Variants in ARL17B observed in about 807,000 individuals in gnomAD.
The protein encoded by ARL17B is ADP-ribosylation factor-like protein 17.
At chr17:46,275,339 C>A (rs191565624) in exon 5 of ARL17B, 15 of 921,620 alleles carry the variant, frequency 1.6e-5, no homozygotes, top group Non-Finnish European at 2.4e-5. Context: ...GTTCAGGCAA[C>A]AAGATTCTTG....
intron 4 of ARL17B, among the ~76,000 whole-genome samples, chr17:46,279,286 C>T (rs1161252875): frequency 1.3e-5 from 2 of 150,050 alleles, no homozygotes; most frequent in Non-Finnish European, 2.9e-5. Flanking sequence ...CAGGTTTGAG[C>T]AATTCACTTG....
intron 4 of ARL17B, among the ~76,000 whole-genome samples, chr17:46,291,192 T>C (rs977750942): frequency 6.6e-6 from 1 of 152,258 alleles, no homozygotes; most frequent in Non-Finnish European, 1.5e-5. Context: ...CATATATTTT[T>C]ATAACATCGT....
At chr17:46,348,962 AT>A (rs1332325018) in intron 3 of ARL17B, among the ~76,000 whole-genome samples, 1 of 139,898 alleles carries the variant, frequency 7.1e-6, no homozygotes, top group African/African-American at 2.9e-5. Context: ...GGGGGGAGAA[AT>A]CACCATTTTG....
At chr17:46,277,303 C>T (rs2532327) in intron 4 of ARL17B, among the ~76,000 whole-genome samples, 1 of 152,204 alleles carries the variant, frequency 6.6e-6, no homozygotes, top group African/African-American at 2.4e-5. Context: ...CTTTGTCTTG[C>T]CACAGGCCCC....
At chr17:46,317,167 C>A (rs1433597018) in intron 3 of ARL17B, among the ~76,000 whole-genome samples, 1 of 89,582 alleles carries the variant, frequency 1.1e-5, no homozygotes, top group Admixed American at 1.2e-4. Context: ...AGAGGCGCTC[C>A]TCACATCCCA....
In ARL17B at chr17:46,323,436, G is replaced by A. The variant is rs562194832; in HGVS notation, c.260-23771C>T. Among the ~76,000 whole-genome samples, 18 of 99,046 alleles carry A rather than the reference G, an allele frequency of 1.8e-4. 6 individuals are homozygous for A. Among genetic ancestry groups the A allele is most frequent in the African/African-American group, 4.5e-4 (14 of 30,806 alleles). The allele number at this position is 99,046 out of a possible 152,430, so 65.0% of individuals were successfully genotyped here. On this transcript the variant is annotated intron_variant, in intron 3 of 4. Transcript: ENST00000434041. ...TTTTGAAATGGAATCTCACTCTGTCGCCCAGGCTGCAGTGCAGCGGCATGA... is the reference window on the plus strand; with the variant it reads ...TTTTGAAATGGAATCTCACTCTGTCACCCAGGCTGCAGTGCAGCGGCATGA...
chr17:46,276,133 C>T (rs539568046), intron 4 of ARL17B, among the ~76,000 whole-genome samples: 5 of 152,214 alleles, frequency 3.3e-5, no homozygotes, highest in African/African-American at 4.8e-5. Context: ...TCAGGTGATC[C>T]GCCCGCCTCG....
chr17:46,280,201 T>C (rs774655848), intron 4 of ARL17B, among the ~76,000 whole-genome samples: 2 of 151,942 alleles, frequency 1.3e-5, no homozygotes, highest in Non-Finnish European at 2.9e-5. Flanking sequence ...CCATCCCTAC[T>C]AAAAACACAA....
At chr17:46,278,627 C>T (rs1350536202) in intron 4 of ARL17B, among the ~76,000 whole-genome samples, 1 of 152,018 alleles carries the variant, frequency 6.6e-6, no homozygotes, top group East Asian at 1.9e-4. Flanking sequence ...TGGTCTCAAA[C>T]TCCTGACCTC....
At chr17:46,275,678 C>T (rs1479439334) in intron 4 of ARL17B, among the ~76,000 whole-genome samples, 4 of 152,208 alleles carry the variant, frequency 2.6e-5, no homozygotes, top group Non-Finnish European at 5.9e-5. Flanking sequence ...ATAAAGATTA[C>T]AACATTTTCA....
rs1810183 is a variant in ARL17B at position 46,325,087 on chromosome 17, G to T, written c.260-25422C>A. ...TTTTGTCAGGTCACTTTCTTATCTT[G>T]ACCAGGTTGTCAGATCTCTTTTACT... On this transcript the variant is annotated intron_variant, in intron 3 of 4. Transcript: ENST00000434041. 2.9e-5 allele frequency among the ~76,000 whole-genome samples: 2 copies of T among 68,152 alleles called. 1 individual carries two copies. Among genetic ancestry groups the T allele is most frequent in the Admixed American group, 3.1e-4 (2 of 6,452 alleles). The allele number at this position is 68,152 out of a possible 152,430, so 44.7% of individuals were successfully genotyped here.
intron 4 of ARL17B, among the ~76,000 whole-genome samples, chr17:46,287,830 T>G (rs1421742143): frequency 2.6e-5 from 4 of 152,252 alleles, no homozygotes. Flanking sequence ...TGTGTAAGTG[T>G]GTGATTGTGG....
At chr17:46,286,582 T>TC (rs1161687387) in intron 4 of ARL17B, among the ~76,000 whole-genome samples, 2 of 152,160 alleles carry the variant, frequency 1.3e-5, no homozygotes, top group Non-Finnish European at 2.9e-5. Context: ...AACCACATTT[T>TC]CCCCAATGTG....
chr17:46,280,397 A>G (rs1299601924), intron 4 of ARL17B, among the ~76,000 whole-genome samples: 2 of 150,140 alleles, frequency 1.3e-5, no homozygotes, highest in African/African-American at 4.9e-5. Context: ...TTTCTAGCCC[A>G]GTGCAGTGGC....
At chr17:46,291,133 GA>G (rs2050054628) in intron 4 of ARL17B, among the ~76,000 whole-genome samples, 1 of 152,212 alleles carries the variant, frequency 6.6e-6, no homozygotes, top group South Asian at 2.1e-4. Context: ...GAGAGAGACT[GA>G]ACTTCTTCTT....
chr17:46,282,670 A>C (rs2049801422), intron 4 of ARL17B, among the ~76,000 whole-genome samples: 1 of 147,934 alleles, frequency 6.8e-6, no homozygotes, highest in Admixed American at 6.8e-5. Context: ...TATTCTCCCC[A>C]CTCGGCTTCC....
chr17:46,291,395 T>G (rs1170762707), intron 4 of ARL17B, among the ~76,000 whole-genome samples: 18 of 151,852 alleles, frequency 1.2e-4, no homozygotes, highest in Non-Finnish European at 2.4e-4. Context: ...CTGCAGGCCT[T>G]CTAGACTCCA....
In ARL17B at chr17:46,307,839, C is replaced by A. The variant is rs1217057532; in HGVS notation, c.260-8174G>T. 2.8e-4 allele frequency among the ~76,000 whole-genome samples: 22 copies of A among 77,386 alleles called. 5 individuals are homozygous for A. The highest frequency in any genetic ancestry group is 6.8e-4 in the Admixed American group (5 of 7,386). The allele number at this position is 77,386 out of a possible 152,430, so 50.8% of individuals were successfully genotyped here. A position where few individuals can be genotyped will look rare whatever the true frequency, so the allele number is the denominator to read the frequency against. On this transcript the variant is annotated intron_variant, in intron 3 of 4. Transcript: ENST00000434041. The stretch of plus-strand genomic sequence containing the variant: ...ACCAGCCTGACCAACATGGTGAAAC[C>A]TGTCTCTACTAAAAATACAAAAATT...
At chr17:46,291,920 C>T (rs935579780) in intron 4 of ARL17B, among the ~76,000 whole-genome samples, 14 of 149,314 alleles carry the variant, frequency 9.4e-5, no homozygotes, top group South Asian at 6.3e-4. Flanking sequence ...GTGATTGCAC[C>T]GCTGCACTCC....
Sources: gnomAD v4.1 joint callset for allele counts (sites outside exome capture counted in the v4.1 genomes callset) on GRCh38, gnomAD v4.1.1 for gene constraint, MANE v1.5 for transcripts, NCBI Gene and HGNC (gene_info 2026-07-23, HGNC 2026-07-21) for gene names.